CYP2F1: variants seen among roughly 807,000 people sequenced by gnomAD.
CYP2F1 encodes the protein cytochrome P450 2F1.
CYP2F1 carries 33 observed loss-of-function variants against 40.4 expected under a neutral mutation model. The observed-to-expected ratio is 0.82, with a 90% confidence interval of 0.62 to 1.09. The LOEUF is 1.09. Among genes scored for constraint, CYP2F1 ranks in the 50% least tolerant of loss-of-function variants. CYP2F1 has a pLI of 0.00. For missense variants in CYP2F1, 566 were observed against 655.7 expected (o/e 0.86, Z 1.49); for synonymous variants, 235 against 277.2 (o/e 0.85, Z 1.51).
Position 41,120,344 on chromosome 19 carries a change from C to G in CYP2F1, c.335-3C>G. ...TAAGCTGGTCCCCTCCTCTTCTCCCCAGGCATCGCCTTCTCCAGTGGGGAT... is the reference window on the plus strand; with the variant it reads ...TAAGCTGGTCCCCTCCTCTTCTCCCGAGGCATCGCCTTCTCCAGTGGGGAT... On this transcript the variant is annotated splice_region_variant and splice_polypyrimidine_tract_variant and intron_variant, in intron 3 of 9. Coordinates refer to ENST00000331105, the MANE Select transcript of CYP2F1 (RefSeq NM_000774.5). 6.3e-7 allele frequency: 1 copy of G among 1,586,188 alleles called. No individual in the cohort carries two copies. The highest frequency in any genetic ancestry group is 8.6e-7 in the Non-Finnish European group (1 of 1,168,470).
chr19:41,123,619 A>G (rs2032362464), intron 7 of CYP2F1, among the ~76,000 whole-genome samples: 1 of 152,074 alleles, frequency 6.6e-6, no homozygotes, highest in Non-Finnish European at 1.5e-5. Flanking sequence ...GGGCTCAAGC[A>G]ATCTCCCCAC....
rs1401877216 is a variant in CYP2F1 at position 41,114,479 on chromosome 19, C to T, written c.-25C>T. On this transcript the variant is annotated 5_prime_UTR_variant, in exon 1 of 10. Transcript: ENST00000331105. ...TCTAGCGCATCCCAGCCAGTGTCTC[C>T]TGCAGCTCAGCAGGTAAAGGGCCCC... 1 of 152,284 alleles carries T rather than the reference C, an allele frequency of 6.6e-6. No individual in the cohort carries two copies. Among genetic ancestry groups the T allele is most frequent in the African/African-American group, 2.4e-5 (1 of 41,456 alleles). The allele number at this position is 152,284 out of a possible 1,614,324, so 9.4% of individuals were successfully genotyped here.
At chr19:41,127,825 T>C in intron 9 of CYP2F1, 76 bp from the exon 10 acceptor site, 1 of 1,122,736 alleles carries the variant, frequency 8.9e-7, no homozygotes, top group Non-Finnish European at 1.3e-6. Flanking sequence ...TCTTATGTTT[T>C]CCTCTGGGAA....
Position 41,125,598 on chromosome 19 carries a change from T to C in CYP2F1, c.1258T>C (p.Phe420Leu). ...GCATTTTTTGGATGCCAATCAGTCC[T>C]TCAAGAAGAGTCCAGCCTTCATGCC... ...PEHFLDANQS[F>L]KKSPAFMPFS... Residue 420 changes from phenylalanine (F) to leucine (L), a missense_variant, in exon 9 of 10, where the codon TTC becomes CTC. Physicochemically the swap from Phe to Leu is conservative, Grantham distance 22. Transcript: ENST00000331105. 1 of 1,612,034 alleles carries C rather than the reference T, an allele frequency of 6.2e-7. No homozygotes were observed. Among genetic ancestry groups the C allele is most frequent in the Non-Finnish European group, 8.5e-7 (1 of 1,179,096 alleles).
At chr19:41,119,151 T>G (rs2031989912) in intron 3 of CYP2F1, among the ~76,000 whole-genome samples, 1 of 151,994 alleles carries the variant, frequency 6.6e-6, no homozygotes, top group South Asian at 2.1e-4. Context: ...AGAATGAAGA[T>G]GAGTATTCAG....
At chr19:41,125,879 T>A in intron 9 of CYP2F1, 1 of 630,382 alleles carries the variant, frequency 1.6e-6, no homozygotes, top group Non-Finnish European at 2.5e-6. Flanking sequence ...ACACCTGTAA[T>A]CCCAGCACTT....
At position 41,127,925 on chromosome 19, in the gene CYP2F1, C is replaced by T. The variant is rs747184173; in HGVS notation, c.1319C>T (p.Ser440Leu). The T allele has an allele frequency of 8.7e-6, 14 of 1,612,688 alleles. No homozygotes were observed. The highest frequency in any genetic ancestry group is 6.7e-5 in the African/African-American group (5 of 74,936). Residue 440 changes from serine (S) to leucine (L), a missense_variant, in exon 10 of 10, where the codon TCG becomes TTG. By Grantham distance (145) the Ser-to-Leu change is moderately radical. Transcript: ENST00000331105. ...SAGRRLCLGESLARMELFLYL... is the reference protein window; with the variant it reads ...SAGRRLCLGELLARMELFLYL... ...GGGCGCCGTCTGTGCCTGGGAGAGT[C>T]GCTGGCGCGCATGGAGCTCTTTCTG... is the stretch of plus-strand genomic sequence containing the variant.
intron 3 of CYP2F1, 147 bp from the exon 4 acceptor site, chr19:41,120,200 C>A: frequency 1.5e-6 from 1 of 665,354 alleles, no homozygotes; most frequent in Non-Finnish European, 2.4e-6. Flanking sequence ...GACCCCTAAG[C>A]TGGAGGGTCC....
chr19:41,119,040 G>C (rs2031984687), intron 3 of CYP2F1, among the ~76,000 whole-genome samples: 1 of 152,080 alleles, frequency 6.6e-6, no homozygotes, highest in Admixed American at 6.6e-5. Flanking sequence ...GGGAAGCCTG[G>C]GGAGCTATGG....
At chr19:41,116,719 G>GTCAGCAGCC in intron 3 of CYP2F1, 102 bp downstream of exon 3, 1 of 1,330,092 alleles carries the variant, frequency 7.5e-7, no homozygotes, top group Non-Finnish European at 1.0e-6. Context: ...ACTCAGGGCT[G>GTCAGCAGCC]CTGACATCAC....
In CYP2F1 at chr19:41,122,839, G is replaced by A. The variant is rs149668363; in HGVS notation, c.840G>A (p.Leu280=). Residue 280 remains leucine, a synonymous_variant, in exon 7 of 10, where the codon CTG becomes CTA. Coordinates refer to ENST00000331105, the MANE Select transcript of CYP2F1 (RefSeq NM_000774.5). ...TKMAEEKEDP[L]SHFHMDTLLM... is the part of the protein sequence containing the mutation. ...CAATGCAGGAGAAGGAGGACCCACT[G>A]AGCCACTTCCACATGGATACCCTGC... The A allele has an allele frequency of 4.5e-6, 7 of 1,542,606 alleles. No homozygotes were observed. Among genetic ancestry groups the A allele is most frequent in the South Asian group, 1.3e-5 (1 of 78,740 alleles).
Position 41,128,143 on chromosome 19 carries a change from T to C in CYP2F1, c.*61T>C. 2.0e-6 allele frequency: 3 copies of C among 1,514,662 alleles called. No individual in the cohort carries two copies. Among genetic ancestry groups the C allele is most frequent in the Non-Finnish European group, 1.8e-6 (2 of 1,121,524 alleles). 93.8% of individuals were successfully genotyped at this position (1,514,662 alleles called of 1,614,324 possible). A position where few individuals can be genotyped will look rare whatever the true frequency, so the allele number is the denominator to read the frequency against. On this transcript the variant is annotated 3_prime_UTR_variant, in exon 10 of 10. Transcript: ENST00000331105. ...AGGCCCGCCCATGCGGGTTGCTACGTCCCCTTCTTGGTCCACAGTCTGCCC... is the reference window on the plus strand; with the variant it reads ...AGGCCCGCCCATGCGGGTTGCTACGCCCCCTTCTTGGTCCACAGTCTGCCC...
At chr19:41,114,529 G>A (rs1318661988) in intron 1 of CYP2F1, 37 bp downstream of exon 1, 3 of 152,186 alleles carry the variant, frequency 2.0e-5, no homozygotes, top group Non-Finnish European at 2.9e-5. Context: ...AGAAGGAGGG[G>A]GTGTCTCCCA....
At chr19:41,127,382 C>T (rs983762030) in intron 9 of CYP2F1, among the ~76,000 whole-genome samples, 14 of 152,138 alleles carry the variant, frequency 9.2e-5, no homozygotes, top group African/African-American at 3.1e-4. Flanking sequence ...GTCACCCAGG[C>T]TAGAGGGCAG....
At chr19:41,124,581 C>G in intron 7 of CYP2F1, 138 bp from the exon 8 acceptor site, 1 of 761,812 alleles carries the variant, frequency 1.3e-6, no homozygotes, top group South Asian at 1.8e-5. Context: ...CTAATTCTCA[C>G]GTGCGCCCCA....
At chr19:41,116,430 G>A in intron 2 of CYP2F1, 25 bp from the exon 3 acceptor site, 1 of 1,607,840 alleles carries the variant, frequency 6.2e-7, no homozygotes, top group Non-Finnish European at 8.5e-7. Context: ...AGGCCCCCCT[G>A]TAACTTCTGT....
intron 7 of CYP2F1, among the ~76,000 whole-genome samples, chr19:41,124,132 C>A (rs2032388782): frequency 6.6e-6 from 1 of 151,866 alleles, no homozygotes; most frequent in South Asian, 2.1e-4. Flanking sequence ...TCCAGGCCTC[C>A]CTGAAGCCCT....
At chr19:41,125,019 C>A in intron 8 of CYP2F1, 113 bp downstream of exon 8, 1 of 911,078 alleles carries the variant, frequency 1.1e-6, no homozygotes, top group Non-Finnish European at 1.6e-6. Flanking sequence ...GCCTTAGCAA[C>A]TGGCATCCCA....
rs538805173 is a variant in CYP2F1 at position 41,117,469 on chromosome 19, C to A, written c.334+852C>A. Among the ~76,000 whole-genome samples the A allele has an allele frequency of 2.6e-5, 4 of 152,178 alleles. No individual in the cohort carries two copies. The East Asian group carries it at 7.7e-4, about 29-fold the overall frequency. On this transcript the variant is annotated intron_variant, in intron 3 of 9. Coordinates refer to ENST00000331105, the MANE Select transcript of CYP2F1 (RefSeq NM_000774.5). ...TGCTGCTACTTTCCCCCAATCCCAGCCCCATCTCCTAACCCAATTACCTAT... is the reference window on the plus strand; with the variant it reads ...TGCTGCTACTTTCCCCCAATCCCAGACCCATCTCCTAACCCAATTACCTAT...
Sources: gnomAD v4.1 joint callset for allele counts (sites outside exome capture counted in the v4.1 genomes callset) on GRCh38, gnomAD v4.1.1 for gene constraint, MANE v1.5 for transcripts, NCBI Gene and HGNC (gene_info 2026-07-23, HGNC 2026-07-21) for gene names.